The following UBXN8 variants were observed in gnomAD, a reference collection of about 807,000 sequenced individuals.
The protein encoded by UBXN8 is UBX domain protein 8.
Under a neutral mutation model 32.1 loss-of-function variants are expected in UBXN8, and 27 were observed. The observed-to-expected ratio is 0.84, with a 90% confidence interval of 0.62 to 1.16. The LOEUF is 1.16. UBXN8 is among the 50% of genes most tolerant of loss of function. The pLI is 0.00. For synonymous variants in UBXN8, 109 were observed against 111.8 expected, an observed-to-expected ratio of 0.98 and a Z score of 0.16; for missense variants, 306 against 311.4, an observed-to-expected ratio of 0.98 and a Z score of 0.13.
upstream of UBXN8, chr8:30,732,156 C>G (rs951006365): frequency 3.0e-6 from 1 of 338,010 alleles, no homozygotes; most frequent in East Asian, 4.6e-5. Context: ...GGTTCAAGAA[C>G]TCCCCCACCA....
chr8:30,732,377 T>G (rs1273338461), upstream of UBXN8: 1 of 394,314 alleles, frequency 2.5e-6, no homozygotes, highest in Admixed American at 4.5e-5. Flanking sequence ...GCAGGTACGT[T>G]ACTTGGGATT....
upstream of UBXN8, among the ~76,000 whole-genome samples, chr8:30,731,148 C>T (rs985459207): frequency 9.9e-5 from 15 of 152,284 alleles, no homozygotes; most frequent in African/African-American, 2.6e-4. Flanking sequence ...CAAGGTGACT[C>T]GGAGCAGGAG....
At chr8:30,764,782 T>C (rs1156394740) in intron 7 of UBXN8, among the ~76,000 whole-genome samples, 2 of 152,202 alleles carry the variant, frequency 1.3e-5, no homozygotes, top group Non-Finnish European at 2.9e-5. Flanking sequence ...CCGGGTACCA[T>C]GGCTCACGCC....
At chr8:30,738,867 A>G (rs2911663) in intron 1 of UBXN8, among the ~76,000 whole-genome samples, 96,967 of 148,974 alleles carry the variant, frequency 0.65, 37,840 homozygotes, top group East Asian at 0.84. Flanking sequence ...GAGGCAGGAG[A>G]ATCGCTTGAA....
At position 30,766,229 on chromosome 8, in the gene UBXN8, C is replaced by T; in HGVS notation, c.648C>T (p.Val216=). The change falls in exon 8 of 8, where the codon GTC becomes GTT. Residue 216 remains valine (V), a splice_region_variant and synonymous_variant. Transcript: ENST00000265616. ...AAGCCAAGCTTTTCATCTTCTAGGTCTTATTTGACTGGATGACGAGAATTG... is the reference window on the plus strand; with the variant it reads ...AAGCCAAGCTTTTCATCTTCTAGGTTTTATTTGACTGGATGACGAGAATTG... The part of the protein sequence containing the change: ...RRFLKSYSSQ[V]LFDWMTRIGY... The T allele has an allele frequency of 6.2e-7, 1 of 1,610,406 alleles. No individual in the cohort carries two copies. Among genetic ancestry groups the T allele is most frequent in the African/African-American group, 1.3e-5 (1 of 74,960 alleles).
At chr8:30,747,306 T>G (rs1805385622) in intron 1 of UBXN8, among the ~76,000 whole-genome samples, 1 of 67,118 alleles carries the variant, frequency 1.5e-5, no homozygotes, top group African/African-American at 5.2e-5. Context: ...ACCTCAGTGG[T>G]GTTTTTTTTT....
chr8:30,754,050 G>A (rs1384927811), intron 3 of UBXN8, among the ~76,000 whole-genome samples: 1 of 152,104 alleles, frequency 6.6e-6, no homozygotes, highest in East Asian at 1.9e-4. Flanking sequence ...GACTATCCTG[G>A]CCAACAAGGT....
At chr8:30,740,096 G>GA (rs1805165610), upstream of UBXN8, among the ~76,000 whole-genome samples, 1 of 89,786 alleles carries the variant, frequency 1.1e-5, no homozygotes, top group African/African-American at 6.5e-5. Flanking sequence ...TTGTAGAGAT[G>GA]GGGTCTCACC....
At chr8:30,734,708 C>T (rs1805036791) in intron 1 of UBXN8, among the ~76,000 whole-genome samples, 1 of 152,106 alleles carries the variant, frequency 6.6e-6, no homozygotes, top group Non-Finnish European at 1.5e-5. Context: ...GGAAGGGAAG[C>T]CACAGAAGGA....
intron 1 of UBXN8, among the ~76,000 whole-genome samples, chr8:30,734,515 GAGGGTA>G (rs1204715910): frequency 1.3e-5 from 2 of 152,168 alleles, no homozygotes; most frequent in East Asian, 3.9e-4. Flanking sequence ...GGCTACTCTG[GAGGGTA>G]AGGTGAAAGG....
chr8:30,738,210 A>G (rs184723078), intron 1 of UBXN8, among the ~76,000 whole-genome samples: 142 of 152,268 alleles, frequency 9.3e-4, no homozygotes, highest in African/African-American at 3.3e-3. Flanking sequence ...ATCAAAATTA[A>G]AAACTTCTCA....
intron 5 of UBXN8, among the ~76,000 whole-genome samples, chr8:30,759,426 G>A (rs1805764788): frequency 6.7e-6 from 1 of 150,036 alleles, no homozygotes; most frequent in Admixed American, 6.7e-5. Context: ...GTAGAGATGG[G>A]GTATCACCAT....
At chr8:30,737,337 T>A (rs1052461269) in intron 1 of UBXN8, among the ~76,000 whole-genome samples, 3 of 152,176 alleles carry the variant, frequency 2.0e-5, no homozygotes, top group Non-Finnish European at 2.9e-5. Context: ...GGCCTTTAGC[T>A]GACTGGATGA....
chr8:30,748,693 A>G (rs957900410), intron 1 of UBXN8, among the ~76,000 whole-genome samples: 23 of 152,024 alleles, frequency 1.5e-4, no homozygotes, highest in Non-Finnish European at 1.8e-4. Flanking sequence ...GGCACCCACC[A>G]TCATGCCTGG....
chr8:30,757,917 C>A (rs928978622), intron 5 of UBXN8, among the ~76,000 whole-genome samples: 1 of 151,324 alleles, frequency 6.6e-6, no homozygotes, highest in Admixed American at 6.6e-5. Context: ...GACAGAGTCT[C>A]ACTCTGTCGC....
intron 1 of UBXN8, chr8:30,744,491 G>A (rs922717390): frequency 1.2e-5 from 7 of 604,352 alleles, no homozygotes; most frequent in African/African-American, 1.1e-4. Context: ...AGAGGGTAGA[G>A]GCAAAGAGCA....
At chr8:30,750,633 C>T (rs1334372542) in intron 1 of UBXN8, among the ~76,000 whole-genome samples, 6 of 151,552 alleles carry the variant, frequency 4.0e-5, no homozygotes, top group South Asian at 2.1e-4. Context: ...ATTAGCCAGG[C>T]GTGGTGGCAG....
intron 1 of UBXN8, among the ~76,000 whole-genome samples, chr8:30,748,311 A>T (rs1805420917): frequency 6.6e-6 from 1 of 150,842 alleles, no homozygotes; most frequent in South Asian, 2.1e-4. Flanking sequence ...ATTTGGAAAA[A>T]ATATATATAT....
rs184850020 is a variant in UBXN8 at position 30,749,760 on chromosome 8, C to T, written c.89-1636C>T. ...AGCTGGGACTACAGGTACCCGCCAC[C>T]GCGCCCAGCTAATTTTTTGTATTTT... On this transcript the variant is annotated intron_variant, in intron 1 of 7. Transcript: ENST00000265616. Among the ~76,000 whole-genome samples, 87 of 152,072 alleles carry T rather than the reference C, an allele frequency of 5.7e-4. No individual in the cohort carries two copies. In the East Asian group the frequency reaches 0.011, roughly 20 times the overall value.
Sources: allele counts gnomAD v4.1 joint callset (sites outside exome capture counted in the v4.1 genomes callset), GRCh38; gene constraint gnomAD v4.1.1; transcripts MANE v1.5; gene names NCBI Gene and HGNC (gene_info 2026-07-23, HGNC 2026-07-21).